Variants in EBF4 observed in about 807,000 individuals in gnomAD.
EBF4 encodes transcription factor COE4.
EBF4 carries 34 observed loss-of-function variants against 67.1 expected under a neutral mutation model. The observed-to-expected ratio is 0.51, with a 90% CI of 0.39 to 0.67. EBF4 has a LOEUF of 0.67. Ranked by LOEUF, EBF4 falls within the 30% of genes least tolerant of loss-of-function variation. EBF4 has a pLI of 0.00. For missense variants in EBF4, 837 were observed against 873.3 expected, an observed-to-expected ratio of 0.96 and a Z score of 0.52; for synonymous variants, 387 against 377.7, an observed-to-expected ratio of 1.02 and a Z score of -0.29.
intron 1 of EBF4, among the ~76,000 whole-genome samples, chr20:2,695,520 T>G (rs1481254315): frequency 6.6e-6 from 1 of 152,164 alleles, no homozygotes; most frequent in Non-Finnish European, 1.5e-5. Flanking sequence ...ACAGGGGCTT[T>G]CTTCAGGCTC....
In EBF4 at chr20:2,755,603, GCCCCTC is replaced by G; in HGVS notation, c.1541-20_1541-15del. The stretch of plus-strand genomic sequence containing the variant: ...TCCCACCACCTTCCCTGCTGCGCCT[GCCCCTC>G]CCCGCCCCGCCCCGGAGTCATGCCC... On this transcript the variant is annotated intron_variant, in intron 14 of 16. Coordinates refer to ENST00000609451, the Ensembl canonical transcript of EBF4. This position sits in a 1 kb window ranked among gnomAD's most constrained non-coding sequence, Gnocchi z 4.7. 1.9e-6 allele frequency: 2 copies of G among 1,077,726 alleles called. No individual in the cohort carries two copies. The highest frequency in any genetic ancestry group is 2.8e-6 in the Non-Finnish European group (2 of 723,198). The allele number at this position is 1,077,726 out of a possible 1,614,324, so 66.8% of individuals were successfully genotyped here.
At chr20:2,754,873 G>GGT (rs3053432) in intron 14 of EBF4, among the ~76,000 whole-genome samples, 2,201 of 152,106 alleles carry the variant, frequency 0.014, 59 homozygotes, top group African/African-American at 0.05. Flanking sequence ...CCGCAGCCTG[G>GGT]GTGGCTAGGG....
intron 6 of EBF4, among the ~76,000 whole-genome samples, chr20:2,726,126 C>T (rs903439961): frequency 3.3e-5 from 5 of 152,120 alleles, no homozygotes; most frequent in Admixed American, 1.3e-4. Context: ...AATAATCCAT[C>T]TTTCTTCCAT....
At chr20:2,738,806 A>T (rs2087925578) in intron 6 of EBF4, among the ~76,000 whole-genome samples, 1 of 152,242 alleles carries the variant, frequency 6.6e-6, no homozygotes, top group South Asian at 2.1e-4. Context: ...TTCATTAATT[A>T]TACAAGATTA....
Position 2,751,599 on chromosome 20 carries a change from C to T in EBF4, c.1019-101C>T, listed in dbSNP as rs2088146273. The T allele has an allele frequency of 8.2e-7, 1 of 1,226,028 alleles. No homozygotes were observed. The highest frequency in any genetic ancestry group is 1.5e-5 in the African/African-American group (1 of 66,546). The allele number at this position is 1,226,028 out of a possible 1,614,324, so 75.9% of individuals were successfully genotyped here. On this transcript the variant is annotated intron_variant, in intron 10 of 16. Transcript: ENST00000609451. This position sits in a 1 kb window ranked among gnomAD's most constrained non-coding sequence, Gnocchi z 5.2. ...CCTGGTGGAGGGGGCTGCAGCGAGG[C>T]TCTCGGACTGGGCGCTGGCCTGCTT...
rs2087291773 is a variant in EBF4 at position 2,696,596 on chromosome 20, C to A, written c.137+2814C>A. Among the ~76,000 whole-genome samples, 1 of 152,194 alleles carries A rather than the reference C, an allele frequency of 6.6e-6. No homozygotes were observed. Among genetic ancestry groups the A allele is most frequent in the Non-Finnish European group, 1.5e-5 (1 of 68,030 alleles). Reference sequence around the variant, plus strand: ...CATGGTCTGACTCCAGCCTTCCTCCCCAGCCTCCTCTGCATGATGCTTGGC... The same window carrying A: ...CATGGTCTGACTCCAGCCTTCCTCCACAGCCTCCTCTGCATGATGCTTGGC... On this transcript the variant is annotated intron_variant, in intron 1 of 16. Coordinates refer to ENST00000609451, the Ensembl canonical transcript of EBF4. This position sits in a 1 kb window ranked among gnomAD's most constrained non-coding sequence, Gnocchi z 4.7.
intron 6 of EBF4, among the ~76,000 whole-genome samples, chr20:2,710,090 C>T (rs1474402025): frequency 2.0e-5 from 3 of 152,150 alleles, no homozygotes; most frequent in African/African-American, 7.2e-5. Flanking sequence ...TGGCAGGTTT[C>T]AGTCATAGAA....
chr20:2,731,761 T>C (rs2087817307), intron 6 of EBF4, among the ~76,000 whole-genome samples: 1 of 152,228 alleles, frequency 6.6e-6, no homozygotes, highest in African/African-American at 2.4e-5. Flanking sequence ...TCTATGGTAT[T>C]CCTTTTAGAA....
chr20:2,754,979 C>CA (rs1555789844), intron 14 of EBF4: 16,495 of 123,786 alleles, frequency 0.13, 2,284 homozygotes, highest in East Asian at 0.32. Context: ...CACCCCCCCC[C>CA]ACAGGGCCCA....
intron 6 of EBF4, 109 bp downstream of exon 6, chr20:2,709,751 G>C: frequency 8.7e-7 from 1 of 1,149,708 alleles, no homozygotes; most frequent in Non-Finnish European, 1.1e-6. Flanking sequence ...CAGCCCCCCC[G>C]GGGCACCAGG....
rs1390737780 is a variant in EBF4, at chr20:2,751,761, C to G, written c.1080C>G (p.His360Gln). 1 of 1,550,624 alleles carries G rather than the reference C, an allele frequency of 6.4e-7. No individual in the cohort carries two copies. Among genetic ancestry groups the G allele is most frequent in the Middle Eastern group, 1.7e-4 (1 of 5,986 alleles). ...GGCTACAGAAAGTCATTCCCAGACACCCCGGAGACCCCGAGAGGCTGCCCA... is the reference window on the plus strand; with the variant it reads ...GGCTACAGAAAGTCATTCCCAGACAGCCCGGAGACCCCGAGAGGCTGCCCA... The change falls in exon 11 of 17, where the codon CAC becomes CAG. Residue 360 changes from histidine to glutamine, a missense_variant. Coordinates refer to ENST00000609451, the Ensembl canonical transcript of EBF4. This position sits in a 1 kb window ranked among gnomAD's most constrained non-coding sequence, Gnocchi z 5.2.
Position 2,700,377 on chromosome 20 carries a change from C to T in EBF4, c.138-5200C>T, listed in dbSNP as rs550134111. 8.5e-5 allele frequency among the ~76,000 whole-genome samples: 13 copies of T among 152,260 alleles called. No individual in the cohort carries two copies. The East Asian group carries it at 2.5e-3, about 29-fold the overall frequency. On this transcript the variant is annotated intron_variant, in intron 1 of 16. Transcript: ENST00000609451. ...CCAGGCTTCAGAGGCTCTATTCCCC[C>T]TTCTCTCCCCCTTTCTTTCTTTTAA...
At chr20:2,742,012 C>T (rs192327693) in intron 6 of EBF4, among the ~76,000 whole-genome samples, 164 of 152,250 alleles carry the variant, frequency 1.1e-3, no homozygotes, top group African/African-American at 3.8e-3. Context: ...TTTGTAACCT[C>T]GAGGAAATCC....
At chr20:2,758,123 C>G (rs955836484) in intron 15 of EBF4, among the ~76,000 whole-genome samples, 1 of 152,232 alleles carries the variant, frequency 6.6e-6, no homozygotes, top group East Asian at 1.9e-4. Context: ...CAAACTGCTT[C>G]TACAGAGCAA....
chr20:2,720,104 G>A (rs184297418), intron 6 of EBF4, among the ~76,000 whole-genome samples: 5 of 152,220 alleles, frequency 3.3e-5, no homozygotes, highest in Admixed American at 1.3e-4. Context: ...ATGTCTTCTT[G>A]TTTAATTGAC....
intron 6 of EBF4, among the ~76,000 whole-genome samples, chr20:2,714,704 A>G (rs2146407635): frequency 6.6e-6 from 1 of 152,294 alleles, no homozygotes. Flanking sequence ...GATTTGTAGG[A>G]GTGTGTATTA....
intron 5 of EBF4, 24 bp from the exon 6 acceptor site, chr20:2,709,550 C>T (rs771712440): frequency 4.5e-6 from 7 of 1,542,638 alleles, no homozygotes; most frequent in African/African-American, 4.1e-5. Flanking sequence ...TTCTGCCTTC[C>T]CTCCTTCCTC....
rs558179948 is a variant in EBF4, at chr20:2,745,295, C to T, written c.558-3254C>T. Among the ~76,000 whole-genome samples the T allele has an allele frequency of 6.6e-6, 1 of 152,302 alleles. No homozygotes were observed. The highest frequency in any genetic ancestry group is 1.5e-5 in the Non-Finnish European group (1 of 68,024). ...TACCAGCTGGAAGGGAGTGAGGTTT[C>T]AGCCACACCATGGATGGTTTCGACT... On this transcript the variant is annotated intron_variant, in intron 6 of 16. Transcript: ENST00000609451. This position sits in a 1 kb window ranked among gnomAD's most constrained non-coding sequence, Gnocchi z 5.2.
intron 6 of EBF4, among the ~76,000 whole-genome samples, chr20:2,715,505 T>C (rs2087596528): frequency 6.6e-6 from 1 of 152,228 alleles, no homozygotes; most frequent in African/African-American, 2.4e-5. Flanking sequence ...TGTCAGGTCA[T>C]GGATACGCAC....
Sources: gnomAD v4.1 joint callset for allele counts (sites outside exome capture counted in the v4.1 genomes callset) on GRCh38, gnomAD v4.1.1 for gene constraint, Gnocchi (gnomAD v3.1) non-coding constraint, MANE v1.5 for transcripts, NCBI Gene and HGNC (gene_info 2026-07-23, HGNC 2026-07-21) for gene names.